The following RYR1 variants were observed in gnomAD, a reference collection of about 807,000 sequenced individuals.
The protein encoded by RYR1 is central core disease of muscle.
In RYR1, 342 loss-of-function variants were observed where a neutral mutation model predicts 583.5. The observed-to-expected ratio is 0.59, with a 90% CI of 0.54 to 0.64. RYR1 has a LOEUF of 0.64. RYR1 is among the 30% of genes least tolerant of loss of function. The pLI, the probability that RYR1 is intolerant of heterozygous loss-of-function variation, is 0.00. For missense variants in RYR1, 6,032 were observed against 6,917.2 expected, an observed-to-expected ratio of 0.87 and a Z score of 4.54; for synonymous variants, 2,791 against 2,822.5, an observed-to-expected ratio of 0.99 and a Z score of 0.35.
intron 11 of RYR1, 85 bp downstream of exon 11, chr19:38,448,898 C>A (rs1966932913): frequency 7.7e-7 from 1 of 1,301,776 alleles, no homozygotes; most frequent in Non-Finnish European, 1.1e-6. Flanking sequence ...AGCTGGTGAT[C>A]ATGCCACTGT....
At chr19:38,453,245 G>A (rs1967184119) in intron 13 of RYR1, among the ~76,000 whole-genome samples, 2 of 151,210 alleles carry the variant, frequency 1.3e-5, no homozygotes, top group Admixed American at 6.6e-5. Context: ...GGACCTTTGG[G>A]AAGGGGCAGG....
intron 47 of RYR1, 91 bp downstream of exon 47, chr19:38,501,081 T>C: frequency 7.6e-7 from 1 of 1,320,362 alleles, no homozygotes; most frequent in South Asian, 1.2e-5. Context: ...CTGCTTTTGT[T>C]TTTCTTGGGA....
At chr19:38,465,007 A>C (rs1600707249) in intron 23 of RYR1, among the ~76,000 whole-genome samples, 1 of 152,122 alleles carries the variant, frequency 6.6e-6, no homozygotes, top group African/African-American at 2.4e-5. Flanking sequence ...TCACATGTCC[A>C]CGTAAGGGGT....
At position 38,446,518 on chromosome 19, in the gene RYR1, G is replaced by A; in HGVS notation, c.678G>A (p.Met226Ile). The A allele has an allele frequency of 6.2e-7, 1 of 1,614,204 alleles. No homozygotes were observed. The highest frequency in any genetic ancestry group is 2.2e-5 in the East Asian group (1 of 44,888). ...GHVLRLFHGHMDECLTISPAD... is the reference protein window; with the variant it reads ...GHVLRLFHGHIDECLTISPAD... ...TCCTCCGCCTCTTTCATGGACATAT[G>A]GATGAGTGTCTGACCATTTCCCCTG... Residue 226 changes from methionine to isoleucine, a missense_variant, in exon 8 of 106, where the codon ATG becomes ATA. Met to Ile is a conservative substitution (Grantham distance 10). Transcript: ENST00000359596.
chr19:38,562,509 G>A (rs1378652870), intron 90 of RYR1, among the ~76,000 whole-genome samples: 3 of 152,076 alleles, frequency 2.0e-5, no homozygotes, highest in East Asian at 1.9e-4. Flanking sequence ...CATAGCCCGG[G>A]AGGTTTGCGC....
intron 42 of RYR1, among the ~76,000 whole-genome samples, chr19:38,497,414 C>A (rs1184620062): frequency 6.6e-6 from 1 of 152,172 alleles, no homozygotes; most frequent in African/African-American, 2.4e-5. Context: ...CTCCAGACTT[C>A]AGCAACTTTG....
rs761393058 is a variant in RYR1 at position 38,485,710 on chromosome 19, C to G, written c.5055C>G (p.Cys1685Trp). ...ACAATCGCGTGGCGCACGCTCTGTGCAGCCACGTAGACCAAGCTCAGCTGC... is the reference window on the plus strand; with the variant it reads ...ACAATCGCGTGGCGCACGCTCTGTGGAGCCACGTAGACCAAGCTCAGCTGC... ...LGNNRVAHALCSHVDQAQLLH... is the reference protein window; with the variant it reads ...LGNNRVAHALWSHVDQAQLLH... Residue 1685 changes from cysteine (C) to tryptophan (W), a missense_variant, in exon 34 of 106, where the codon TGC becomes TGG. Around this residue, in one of 11 missense-constraint regions of RYR1, gnomAD observed 2,627 missense variants for 2,961.3 expected, o/e 0.89. Transcript: ENST00000359596. 1 of 1,611,950 alleles carries G rather than the reference C, an allele frequency of 6.2e-7. No individual in the cohort carries two copies. Among genetic ancestry groups the G allele is most frequent in the Non-Finnish European group, 8.5e-7 (1 of 1,179,888 alleles).
rs146625212 is a variant in RYR1 at position 38,444,325 on chromosome 19, C to G, written c.537+64C>G. The G allele has an allele frequency of 8.9e-4, 1,174 of 1,323,342 alleles. 1 individual carries two copies. Among genetic ancestry groups the G allele is most frequent in the Non-Finnish European group, 1.1e-3 (1,030 of 927,996 alleles). 82.0% of individuals were successfully genotyped at this position (1,323,342 alleles called of 1,614,324 possible). On this transcript the variant is annotated intron_variant, in intron 6 of 105. Coordinates refer to ENST00000359596, the MANE Select transcript of RYR1 (RefSeq NM_000540.3). This position sits in a 1 kb window ranked among gnomAD's most constrained non-coding sequence, Gnocchi z 5.1. ...GCGCATGGGATGGTCCCCATCTTCT[C>G]ACCATGGGTTTGCCTGGCTGATCTC...
chr19:38,523,219 C>T lies in RYR1; in HGVS notation c.10350C>T (p.Asn3450=), dbSNP rs886038311. 1.2e-6 allele frequency: 2 copies of T among 1,614,236 alleles called. No homozygotes were observed. Among genetic ancestry groups the T allele is most frequent in the Non-Finnish European group, 1.7e-6 (2 of 1,180,038 alleles). Residue 3450 remains asparagine (N), a splice_region_variant and synonymous_variant, in exon 69 of 106, where the codon AAC becomes AAT. Coordinates refer to ENST00000359596, the MANE Select transcript of RYR1 (RefSeq NM_000540.3). The stretch of plus-strand genomic sequence containing the variant: ...TGCAACACTGCTTCCCCCACCAGAA[C>T]TTCAAGCGCGAGGAGCAGAACTTTG... ...EIFIYWSKSH[N]FKREEQNFVV...
rs146287091 is a variant in RYR1 at position 38,529,751 on chromosome 19, A to G, written c.11141+694A>G. Among the ~76,000 whole-genome samples, 930 of 152,294 alleles carry G rather than the reference A, an allele frequency of 6.1e-3. 12 individuals are homozygous for G. The highest frequency in any genetic ancestry group is 0.018 in the African/African-American group (744 of 41,560). ...CTCAAAAGCTTCATGTAGGCTAATG[A>G]CAGGCTTAGTAATAAATAATTGTGA... On this transcript the variant is annotated intron_variant, in intron 76 of 105. Transcript: ENST00000359596.
rs560754822 is a variant in RYR1, at chr19:38,468,275, C to T, written c.3381+463C>T. Among the ~76,000 whole-genome samples the T allele has an allele frequency of 4.6e-5, 7 of 151,852 alleles. 1 individual carries two copies. In the South Asian group the frequency reaches 1.5e-3, roughly 32 times the overall value. ...CTGACCAGCCAACCATGCATCCATC[C>T]ATGCATTCAACCATCCATCCATCAT... On this transcript the variant is annotated intron_variant, in intron 25 of 105. Coordinates refer to ENST00000359596, the MANE Select transcript of RYR1 (RefSeq NM_000540.3).
rs772695891 is a variant in RYR1 at position 38,494,462 on chromosome 19, G to A, written c.6385G>A (p.Asp2129Asn). The A allele has an allele frequency of 5.6e-5, 90 of 1,612,666 alleles. No homozygotes were observed. Among genetic ancestry groups the A allele is most frequent in the Non-Finnish European group, 6.0e-5 (71 of 1,180,016 alleles). ...GTTCAGCCTCCTGCACCGGCAGTACGACGGGCTGGGTGAGCTGCTGCGTGC... is the reference window on the plus strand; with the variant it reads ...GTTCAGCCTCCTGCACCGGCAGTACAACGGGCTGGGTGAGCTGCTGCGTGC... ...AMFSLLHRQY[D>N]GLGELLRALP... The change falls in exon 39 of 106, where the codon GAC becomes AAC. Residue 2129 changes from aspartate (D) to asparagine (N), a missense_variant. Physicochemically the swap from Asp to Asn is conservative, Grantham distance 23 (BLOSUM62 1). Transcript: ENST00000359596.
rs1190964506 is a variant in RYR1 at position 38,514,271 on chromosome 19, AT to A, written c.9473-746del. ...ATACTGAGACCCCATCTCTAAAAAA[AT>A]TTTTTTTTAATTTTTTTTTTTTTTT... On this transcript the variant is annotated intron_variant, in intron 63 of 105. Coordinates refer to ENST00000359596, the MANE Select transcript of RYR1 (RefSeq NM_000540.3). 4.8e-3 allele frequency among the ~76,000 whole-genome samples: 698 copies of A among 145,288 alleles called. 5 individuals are homozygous for A. Among genetic ancestry groups the A allele is most frequent in the African/African-American group, 0.018 (679 of 38,630 alleles).
Position 38,502,636 on chromosome 19 carries a change from A to G in RYR1, c.7744A>G (p.Met2582Val), listed in dbSNP as rs770473506. Residue 2582 changes from methionine to valine, a missense_variant, in exon 48 of 106, where the codon ATG becomes GTG. Met to Val is a conservative substitution (Grantham distance 21). Around this residue, in one of 11 missense-constraint regions of RYR1, gnomAD observed 250 missense variants for 162.3 expected, o/e 1.54. Coordinates refer to ENST00000359596, the MANE Select transcript of RYR1 (RefSeq NM_000540.3). The stretch of plus-strand genomic sequence containing the variant: ...ACACCGCGCCATCATGGTGGACTCT[A>G]TGCTGCATACCGTGTACCGCCTGTC... Reference protein sequence around the residue: ...TEHRAIMVDSMLHTVYRLSRG... With the variant: ...TEHRAIMVDSVLHTVYRLSRG... 1.2e-6 allele frequency: 2 copies of G among 1,612,528 alleles called. No homozygotes were observed. Among genetic ancestry groups the G allele is most frequent in the Non-Finnish European group, 1.7e-6 (2 of 1,179,792 alleles).
chr19:38,531,971 C>G (rs1311704134), intron 76 of RYR1, among the ~76,000 whole-genome samples: 1 of 152,150 alleles, frequency 6.6e-6, no homozygotes, highest in Non-Finnish European at 1.5e-5. Flanking sequence ...GACAACATGA[C>G]CATTTCTTAC....
intron 67 of RYR1, among the ~76,000 whole-genome samples, chr19:38,520,479 G>A (rs1303882538): frequency 6.6e-6 from 1 of 151,338 alleles, no homozygotes; most frequent in Non-Finnish European, 1.5e-5. Flanking sequence ...CAGATCACCT[G>A]AGGTCAGGTG....
At chr19:38,477,670 C>A in intron 29 of RYR1, 40 bp from the exon 30 acceptor site, 6 of 1,613,952 alleles carry the variant, frequency 3.7e-6, no homozygotes, top group Non-Finnish European at 5.1e-6. Flanking sequence ...GAGTCCCTGA[C>A]TTCCAGACTG....
At chr19:38,516,059 G>A in intron 64 of RYR1, 28 bp from the exon 65 acceptor site, 1 of 1,541,802 alleles carries the variant, frequency 6.5e-7, no homozygotes, top group Non-Finnish European at 8.8e-7. Flanking sequence ...GGGGACACGT[G>A]GCAGCTAAAC....
In RYR1 at chr19:38,433,836, G is replaced by A; in HGVS notation, c.7G>A (p.Asp3Asn). 2 of 1,613,432 alleles carry A rather than the reference G, an allele frequency of 1.2e-6. No homozygotes were observed. Among genetic ancestry groups the A allele is most frequent in the African/African-American group, 1.3e-5 (1 of 74,844 alleles). ...GGCTTCCGACCTCGACATCATGGGT[G>A]ACGCAGAAGGCGAAGACGAGGTCCA... The part of the protein sequence containing the change: MG[D>N]AEGEDEVQFL... The change falls in exon 1 of 106, where the codon GAC (aspartate) becomes AAC (asparagine). Residue 3 changes from aspartate to asparagine, a missense_variant. By Grantham distance (23) the Asp-to-Asn change is conservative (BLOSUM62 1). Around this residue, in one of 11 missense-constraint regions of RYR1, gnomAD observed 71 missense variants for 75.3 expected, o/e 0.94. Transcript: ENST00000359596.
Sources: gnomAD v4.1 joint callset for allele counts (sites outside exome capture counted in the v4.1 genomes callset) on GRCh38, gnomAD v4.1.1 for gene constraint, gnomAD v4.1.1 regional missense constraint, Gnocchi (gnomAD v3.1) non-coding constraint, MANE v1.5 for transcripts, NCBI Gene and HGNC (gene_info 2026-07-23, HGNC 2026-07-21) for gene names.